The following ATP7A variants were observed in gnomAD, a reference collection of about 807,000 sequenced individuals.
The protein encoded by ATP7A is copper-transporting ATPase 1.
ATP7A carries 7 observed loss-of-function variants against 83.5 expected under a neutral mutation model. The observed-to-expected ratio is 0.08, with a 90% CI of 0.05 to 0.16. The LOEUF is 0.16. Among genes scored for constraint, ATP7A ranks in the 10% least tolerant of loss-of-function variants. The pLI is 1.00. For synonymous variants in ATP7A, 354 were observed against 395.2 expected, an observed-to-expected ratio of 0.90 and a Z score of 1.24; for missense variants, 940 against 1,120.8, an observed-to-expected ratio of 0.84 and a Z score of 2.30.
intron 6 of ATP7A, among the ~76,000 whole-genome samples, chrX:78,006,715 C>T (rs1321189448): frequency 1.8e-5 from 2 of 111,928 alleles, no homozygotes; most frequent in Non-Finnish European, 3.8e-5. Context: ...ATAGATTTGC[C>T]TATTCTGGAC....
chrX:78,022,051 A>G (rs2077909669), intron 14 of ATP7A, among the ~76,000 whole-genome samples: 1 of 111,822 alleles, frequency 8.9e-6, no homozygotes, highest in African/African-American at 3.3e-5. Context: ...GGTGAGGTGG[A>G]GAGCCTGTTA....
chrX:77,943,834 T>G (rs1317402780), intron 1 of ATP7A, among the ~76,000 whole-genome samples: 1 of 111,946 alleles, frequency 8.9e-6, no homozygotes, highest in Non-Finnish European at 1.9e-5. Flanking sequence ...TATTTATCTA[T>G]TCCCTAATTG....
At chrX:78,004,648 C>T (rs1013385267) in intron 6 of ATP7A, among the ~76,000 whole-genome samples, 6 of 110,350 alleles carry the variant, frequency 5.4e-5, no homozygotes, top group African/African-American at 1.6e-4. Context: ...TTTGGGAGGC[C>T]GAGGTGGGTA....
intron 4 of ATP7A, 22 bp from the exon 5 acceptor site, chrX:77,998,456 A>C: frequency 1.7e-6 from 2 of 1,201,778 alleles, no homozygotes; most frequent in Non-Finnish European, 1.1e-6. Context: ...GCAAATGAAA[A>C]GAATCTTTCC....
At chrX:78,018,122 A>T (rs2077881195) in intron 12 of ATP7A, among the ~76,000 whole-genome samples, 1 of 108,385 alleles carries the variant, frequency 9.2e-6, no homozygotes, top group South Asian at 4.1e-4. Context: ...CCTTTACTCC[A>T]GTTCCCCATA....
intron 1 of ATP7A, among the ~76,000 whole-genome samples, chrX:77,942,813 T>G (rs1485459281): frequency 9.1e-6 from 1 of 109,820 alleles, no homozygotes; most frequent in African/African-American, 3.3e-5. Context: ...TTTTTGTTTA[T>G]TTATTTATTT....
At position 77,998,596 on chromosome X, in the gene ATP7A, G is replaced by T. The variant is rs782083382; in HGVS notation, c.1455G>T (p.Lys485Asn). 1.1e-5 allele frequency: 13 copies of T among 1,210,408 alleles called. No individual in the cohort carries two copies. Among genetic ancestry groups the T allele is most frequent in the Non-Finnish European group, 1.0e-5 (9 of 895,278 alleles). The change falls in exon 5 of 23, where the codon AAG (lysine) becomes AAT (asparagine). Residue 485 changes from lysine to asparagine, a missense_variant. Physicochemically the swap from Lys to Asn is moderately conservative, Grantham distance 94 (BLOSUM62 0). Transcript: ENST00000341514. ...MTPVQDKEEG[K>N]NSSKCYIQVT... ...CAGTTCAAGACAAGGAGGAAGGAAA[G>T]AATTCATCTAAGTGTTACATACAGG...
intron 14 of ATP7A, 91 bp from the exon 15 acceptor site, chrX:78,029,159 T>C (rs1365217789): frequency 1.0e-6 from 1 of 968,153 alleles, no homozygotes; most frequent in Non-Finnish European, 1.5e-6. Context: ...ACTTTTTAAA[T>C]TGTGGTTTTA....
At chrX:77,937,374 C>T (rs1195228552) in intron 1 of ATP7A, among the ~76,000 whole-genome samples, 1 of 112,530 alleles carries the variant, frequency 8.9e-6, no homozygotes, top group Non-Finnish European at 1.9e-5. Flanking sequence ...ATGATACTGC[C>T]ACTTTGGAAA....
chrX:78,003,036 A>ATG (rs782066657), intron 5 of ATP7A, 37 bp from the exon 6 acceptor site: 35 of 1,148,091 alleles, frequency 3.0e-5, no homozygotes, highest in Non-Finnish European at 4.2e-5. Context: ...TTTAAAAAGA[A>ATG]TGTTATCTGT....
At chrX:77,950,230 G>A (rs1447256990) in intron 1 of ATP7A, among the ~76,000 whole-genome samples, 1 of 112,187 alleles carries the variant, frequency 8.9e-6, no homozygotes, top group East Asian at 2.8e-4. Context: ...AAGCATCTCA[G>A]CTTCAAGGGG....
At chrX:78,010,861 G>A (rs1247315229) in intron 7 of ATP7A, among the ~76,000 whole-genome samples, 7 of 110,794 alleles carry the variant, frequency 6.3e-5, no homozygotes, top group African/African-American at 2.0e-4. Flanking sequence ...TTACAGGCAT[G>A]AGCCACCGTG....
At position 78,011,080 on chromosome X, in the gene ATP7A, T is replaced by C. The variant is rs2077820220; in HGVS notation, c.1870-96T>C. ...CCCCAGAGTGACTTGCCCTCAGTAA[T>C]TGAACTGTTCTTAATGACAATACCA... On this transcript the variant is annotated intron_variant, in intron 7 of 22. Coordinates refer to ENST00000341514, the MANE Select transcript of ATP7A (RefSeq NM_000052.7). 3.9e-6 allele frequency: 3 copies of C among 764,700 alleles called. No individual in the cohort carries two copies. In the East Asian group the frequency reaches 9.8e-5, roughly 25 times the overall value. 63.0% of individuals were successfully genotyped at this position (764,700 alleles called of 1,213,427 possible). A position where few individuals can be genotyped will look rare whatever the true frequency, so the allele number is the denominator to read the frequency against.
At chrX:77,968,613 TC>T (rs1481042804) in intron 1 of ATP7A, among the ~76,000 whole-genome samples, 1 of 112,266 alleles carries the variant, frequency 8.9e-6, no homozygotes, top group African/African-American at 3.2e-5. Flanking sequence ...ACTTTTAAAC[TC>T]TGTTGGATAA....
intron 13 of ATP7A, 61 bp from the exon 14 acceptor site, chrX:78,020,884 G>A: frequency 9.1e-7 from 1 of 1,096,228 alleles, no homozygotes; most frequent in Non-Finnish European, 1.3e-6. Context: ...TCTGCATTCA[G>A]TATCAGAAAA....
intron 20 of ATP7A, 77 bp from the exon 21 acceptor site, chrX:78,043,236 TCAAC>T (rs2078061260): frequency 1.5e-6 from 1 of 684,777 alleles, no homozygotes; most frequent in Non-Finnish European, 2.4e-6. Flanking sequence ...GACGTAATCT[TCAAC>T]ATACACAGTA....
At chrX:78,038,750 C>T in intron 17 of ATP7A, 86 bp from the exon 18 acceptor site, 1 of 1,035,990 alleles carries the variant, frequency 9.7e-7, no homozygotes, top group Non-Finnish European at 1.3e-6. Flanking sequence ...AGTGACTGTG[C>T]AAGGTTAGAC....
intron 12 of ATP7A, among the ~76,000 whole-genome samples, chrX:78,017,765 C>CTTTTTT (rs1176316040): frequency 6.6e-3 from 301 of 45,861 alleles, no homozygotes; most frequent in Non-Finnish European, 7.6e-3. Flanking sequence ...TTTCTTGTTT[C>CTTTTTT]TTTTTTTTTT....
chrX:77,931,851 C>T (rs1314186641), intron 1 of ATP7A, among the ~76,000 whole-genome samples: 12 of 58,379 alleles, frequency 2.1e-4, no homozygotes, highest in East Asian at 6.7e-4. Context: ...CCGGACGGGG[C>T]GGCTGGCCGG....
Sources: allele counts gnomAD v4.1 joint callset (sites outside exome capture counted in the v4.1 genomes callset), GRCh38; gene constraint gnomAD v4.1.1; transcripts MANE v1.5; gene names NCBI Gene and HGNC (gene_info 2026-07-23, HGNC 2026-07-21).